The following STXBP5L variants were observed in gnomAD, a reference collection of about 807,000 sequenced individuals.
STXBP5L encodes the protein syntaxin binding protein 5L, also known as syntaxin-binding protein 5-like.
STXBP5L carries 65 observed loss-of-function variants against 144.5 expected under a neutral mutation model. The observed-to-expected ratio is 0.45, with a 90% CI of 0.37 to 0.55. The LOEUF is 0.55. STXBP5L is among the 20% of genes least tolerant of loss of function. The pLI, the probability that STXBP5L is intolerant of heterozygous loss-of-function variation, is 0.00. For synonymous variants in STXBP5L, 505 were observed against 469.6 expected, an observed-to-expected ratio of 1.08 and a Z score of -0.97; for missense variants, 1,298 against 1,405.5, an observed-to-expected ratio of 0.92 and a Z score of 1.22.
At chr3:121,285,895 A>T (rs760376273) in intron 19 of STXBP5L, among the ~76,000 whole-genome samples, 2 of 152,120 alleles carry the variant, frequency 1.3e-5, no homozygotes, top group Non-Finnish European at 2.9e-5. Context: ...TATAATTATT[A>T]TAAAAGATGA....
rs1157439696 is a variant in STXBP5L, at chr3:121,045,525, A to T, written c.460A>T (p.Asn154Tyr). The change falls in exon 5 of 27, where the codon AAC becomes TAC. Residue 154 changes from asparagine (N) to tyrosine (Y), a missense_variant. Physicochemically the swap from Asn to Tyr is moderately radical, Grantham distance 143 (BLOSUM62 -2). Transcript: ENST00000471454. ...RPAILHSLKF[N>Y]RERITYCHLP... ...AGCCATACTCCATTCTCTTAAATTT[A>T]ACCGGGAACGGTAAGAACCTATGAA... is the stretch of plus-strand genomic sequence containing the variant. The T allele has an allele frequency of 5.0e-6, 8 of 1,611,522 alleles. No homozygotes were observed. The highest frequency in any genetic ancestry group is 5.9e-6 in the Non-Finnish European group (7 of 1,178,974).
At chr3:121,008,360 C>A (rs1413996837) in intron 3 of STXBP5L, among the ~76,000 whole-genome samples, 2 of 151,962 alleles carry the variant, frequency 1.3e-5, no homozygotes, top group African/African-American at 4.8e-5. Context: ...CTTATATCCC[C>A]TTGTAGAAGC....
chr3:121,384,396 G>A (rs2046381090), intron 22 of STXBP5L, among the ~76,000 whole-genome samples: 1 of 152,074 alleles, frequency 6.6e-6, no homozygotes, highest in Non-Finnish European at 1.5e-5. Flanking sequence ...GGGCGCAGTG[G>A]CTCACAATTG....
intron 22 of STXBP5L, among the ~76,000 whole-genome samples, chr3:121,398,729 T>C (rs555970880): frequency 6.6e-6 from 1 of 152,206 alleles, no homozygotes; most frequent in Non-Finnish European, 1.5e-5. Flanking sequence ...AAAGTAGCTT[T>C]ATGCAGATTA....
intron 22 of STXBP5L, among the ~76,000 whole-genome samples, chr3:121,406,915 A>G (rs1174631694): frequency 2.0e-5 from 3 of 151,964 alleles, no homozygotes; most frequent in Admixed American, 6.6e-5. Flanking sequence ...GTGGGGTAGG[A>G]ATCAGAAAAA....
At chr3:121,102,485 G>T (rs747077537) in intron 5 of STXBP5L, among the ~76,000 whole-genome samples, 1 of 152,088 alleles carries the variant, frequency 6.6e-6, no homozygotes, top group Admixed American at 6.6e-5. Context: ...TCAATAAATG[G>T]TGCTGTGATA....
rs140765537 is a variant in STXBP5L, at chr3:121,231,581, A to ATTAATTAATT, written c.1112-2035_1112-2034insTTAATTAATT. ...TGCTGCTGGAGTCCTGCTACAATTA[A>ATTAATTAATT]CATTCCCCATTTTGCTTGGAAGTTT... On this transcript the variant is annotated intron_variant, in intron 11 of 26. Coordinates refer to ENST00000471454, the MANE Select transcript of STXBP5L (RefSeq NM_001308330.2). 2.5e-3 allele frequency among the ~76,000 whole-genome samples: 379 copies of ATTAATTAATT among 152,222 alleles called. 2 individuals carry two copies. Among genetic ancestry groups the ATTAATTAATT allele is most frequent in the African/African-American group, 8.6e-3 (357 of 41,552 alleles).
At chr3:120,968,490 C>G (rs1279068815) in intron 3 of STXBP5L, among the ~76,000 whole-genome samples, 1 of 152,060 alleles carries the variant, frequency 6.6e-6, no homozygotes, top group African/African-American at 2.4e-5. Flanking sequence ...TTGTGCATGT[C>G]TATACTGGTA....
intron 19 of STXBP5L, among the ~76,000 whole-genome samples, chr3:121,308,414 A>G (rs2043416235): frequency 6.6e-6 from 1 of 152,034 alleles, no homozygotes; most frequent in African/African-American, 2.4e-5. Context: ...TTCAGGCTGA[A>G]AGAAAGTGAA....
chr3:121,257,791 G>T (rs1426868996), intron 17 of STXBP5L, among the ~76,000 whole-genome samples: 1 of 152,120 alleles, frequency 6.6e-6, no homozygotes, highest in African/African-American at 2.4e-5. Flanking sequence ...TGGGTGTGAT[G>T]GTACACACCT....
Position 121,407,359 on chromosome 3 carries a change from G to T in STXBP5L, c.2704G>T (p.Glu902Ter). The T allele has an allele frequency of 6.2e-7, 1 of 1,612,928 alleles. No homozygotes were observed. Among genetic ancestry groups the T allele is most frequent in the South Asian group, 1.1e-5 (1 of 91,054 alleles). ...WRDPNNIDENEKSWRRKVVMN... is the reference protein window; with the variant it reads ...WRDPNNIDEN ...GGATCCAAACAACATAGATGAAAAT[G>T]AAAAATCTTGGAGAAGGAAAGTGGT... is the stretch of plus-strand genomic sequence containing the variant. The change falls in exon 23 of 27, where the codon GAA becomes TAA. Residue 902 changes from glutamate to a stop codon, truncating the protein, a stop_gained. Coordinates refer to ENST00000471454, the MANE Select transcript of STXBP5L (RefSeq NM_001308330.2). LOFTEE classifies it high-confidence loss of function.
At chr3:121,320,701 C>CTTTTTTT (rs533248342) in intron 20 of STXBP5L, among the ~76,000 whole-genome samples, 1 of 134,890 alleles carries the variant, frequency 7.4e-6, no homozygotes, top group South Asian at 2.4e-4. Flanking sequence ...AACGACCACA[C>CTTTTTTT]TTTTTTTTTT....
At chr3:121,047,594 T>C (rs1017849029) in intron 5 of STXBP5L, among the ~76,000 whole-genome samples, 2 of 152,216 alleles carry the variant, frequency 1.3e-5, no homozygotes, top group South Asian at 4.1e-4. Flanking sequence ...TTGAACCCTT[T>C]ACCATTACGT....
chr3:121,216,643 A>C (rs2048786637), intron 10 of STXBP5L, among the ~76,000 whole-genome samples: 1 of 152,198 alleles, frequency 6.6e-6, no homozygotes, highest in Non-Finnish European at 1.5e-5. Flanking sequence ...TGTGTCTCCC[A>C]ATCAGGAGGC....
chr3:121,029,975 G>T (rs185488512), intron 3 of STXBP5L, among the ~76,000 whole-genome samples: 2 of 152,128 alleles, frequency 1.3e-5, no homozygotes, highest in Admixed American at 6.5e-5. Context: ...AAACTACAAT[G>T]AGATACCATC....
chr3:120,932,760 C>T (rs530507094), intron 2 of STXBP5L, among the ~76,000 whole-genome samples: 20 of 151,862 alleles, frequency 1.3e-4, no homozygotes, highest in East Asian at 9.7e-4. Flanking sequence ...ATGTTTATTG[C>T]GGCACTATTC....
intron 3 of STXBP5L, among the ~76,000 whole-genome samples, chr3:120,960,352 G>A (rs1006762867): frequency 3.3e-5 from 5 of 152,278 alleles, no homozygotes; most frequent in Admixed American, 6.5e-5. Context: ...TCAGTGTGGC[G>A]ATTCCTCAGG....
At chr3:120,929,397 T>C (rs1709804974) in intron 2 of STXBP5L, among the ~76,000 whole-genome samples, 1 of 152,214 alleles carries the variant, frequency 6.6e-6, no homozygotes, top group Non-Finnish European at 1.5e-5. Context: ...GTATGTGTTA[T>C]GGATCTTATA....
intron 22 of STXBP5L, among the ~76,000 whole-genome samples, chr3:121,391,788 G>A (rs2046592864): frequency 6.6e-6 from 1 of 152,148 alleles, no homozygotes; most frequent in South Asian, 2.1e-4. Flanking sequence ...TCGTCCCAGA[G>A]GGGCAGCCAC....
Sources: gnomAD v4.1 joint callset for allele counts (sites outside exome capture counted in the v4.1 genomes callset) on GRCh38, gnomAD v4.1.1 for gene constraint, MANE v1.5 for transcripts, NCBI Gene and HGNC (gene_info 2026-07-23, HGNC 2026-07-21) for gene names.